Variants in MYOCOS observed in about 807,000 individuals in gnomAD.
The protein encoded by MYOCOS is myocilin opposite strand, also known as myocilin opposite strand protein.
Position 171,623,917 on chromosome 1 carries a change from A to G in MYOCOS, c.34A>G (p.Asn12Asp). The G allele has an allele frequency of 2.5e-6, 1 of 398,476 alleles. No individual in the cohort carries two copies. The highest frequency in any genetic ancestry group is 4.4e-6 in the Non-Finnish European group (1 of 226,038). The allele number at this position is 398,476 out of a possible 1,614,324, so 24.7% of individuals were successfully genotyped here. A position where few individuals can be genotyped will look rare whatever the true frequency, so the allele number is the denominator to read the frequency against. Residue 12 changes from asparagine (N) to aspartate (D), a missense_variant, in exon 2 of 3, where the codon AAT (asparagine) becomes GAT (aspartate). Physicochemically the swap from Asn to Asp is conservative, Grantham distance 23. Coordinates refer to ENST00000637642, the MANE Select transcript of MYOCOS (RefSeq NM_001391940.1). ...GAAAAGCCTTGCAAACAACAGCATTAATCTCCCCTACAAGGACTTGACCTC... is the reference window on the plus strand; with the variant it reads ...GAAAAGCCTTGCAAACAACAGCATTGATCTCCCCTACAAGGACTTGACCTC... ...AQKSLANNSI[N>D]LPYKDLTSEV...
intron 1 of MYOCOS, among the ~76,000 whole-genome samples, chr1:171,608,681 A>G (rs1246085038): frequency 6.6e-6 from 1 of 151,972 alleles, no homozygotes; most frequent in African/African-American, 2.4e-5. Flanking sequence ...TCGGCCTCCC[A>G]AAGGGCTGGG....
At chr1:171,610,020 G>C (rs1031274906) in intron 1 of MYOCOS, among the ~76,000 whole-genome samples, 2 of 152,204 alleles carry the variant, frequency 1.3e-5, no homozygotes, top group Non-Finnish European at 2.9e-5. Context: ...TCTCCACAGG[G>C]ATGCCTCACG....
At chr1:171,608,108 G>A (rs549534804) in intron 1 of MYOCOS, among the ~76,000 whole-genome samples, 8 of 152,248 alleles carry the variant, frequency 5.3e-5, no homozygotes, top group Admixed American at 3.3e-4. Flanking sequence ...ATCTCCCACC[G>A]GGTCCCTCCC....
upstream of MYOCOS, among the ~76,000 whole-genome samples, chr1:171,617,574 C>T (rs1192336615): frequency 2.6e-5 from 4 of 152,058 alleles, no homozygotes; most frequent in African/African-American, 9.7e-5. Flanking sequence ...AAACATACAA[C>T]CTTGATAGCC....
upstream of MYOCOS, among the ~76,000 whole-genome samples, chr1:171,618,447 G>T (rs954770236): frequency 1.3e-5 from 2 of 152,248 alleles, no homozygotes; most frequent in Non-Finnish European, 2.9e-5. Flanking sequence ...CTGTTGTGGG[G>T]ATGACAAGGT....
chr1:171,605,108 G>A (rs576073702), intron 1 of MYOCOS, among the ~76,000 whole-genome samples: 3 of 150,928 alleles, frequency 2.0e-5, no homozygotes, highest in Admixed American at 6.6e-5. Context: ...GCAATTAGCC[G>A]AGCATGTAGC....
Position 171,626,530 on chromosome 1 carries a change from C to G in MYOCOS, c.172C>G (p.Pro58Ala), listed in dbSNP as rs1052057361. 4 of 398,566 alleles carry G rather than the reference C, an allele frequency of 1.0e-5. No individual in the cohort carries two copies. The highest frequency in any genetic ancestry group is 3.6e-5 in the East Asian group (1 of 28,100). The allele number at this position is 398,566 out of a possible 1,614,324, so 24.7% of individuals were successfully genotyped here. A position where few individuals can be genotyped will look rare whatever the true frequency, so the allele number is the denominator to read the frequency against. ...SHLDLEQAPP[P>A]HRTYLTVPPA... ...CTTGGATTTGGAGCAAGCCCCTCCC[C>G]CTCACAGGACCTACCTCACAGTACC... The change falls in exon 3 of 3, where the codon CCT becomes GCT. Residue 58 changes from proline (P) to alanine (A), a missense_variant. Pro to Ala is a conservative substitution (Grantham distance 27). Transcript: ENST00000637642.
At chr1:171,617,751 G>A (rs777995300), upstream of MYOCOS, among the ~76,000 whole-genome samples, 7 of 152,188 alleles carry the variant, frequency 4.6e-5, no homozygotes, top group Non-Finnish European at 8.8e-5. Flanking sequence ...TTTAAGATGG[G>A]AGAAATAACA....
intron 2 of MYOCOS, 38 bp from the exon 3 acceptor site, chr1:171,626,416 C>T (rs957215200): frequency 7.5e-6 from 3 of 398,378 alleles, no homozygotes; most frequent in East Asian, 7.1e-5. Flanking sequence ...AAAACCCTAT[C>T]TTTATTCAAA....
intron 1 of MYOCOS, among the ~76,000 whole-genome samples, chr1:171,609,162 G>C (rs1476528157): frequency 2.0e-5 from 3 of 152,204 alleles, no homozygotes; most frequent in Admixed American, 6.5e-5. Flanking sequence ...CCTAATATCT[G>C]AGAGGGTCTA....
upstream of MYOCOS, among the ~76,000 whole-genome samples, chr1:171,621,004 G>A (rs573357866): frequency 2.4e-3 from 370 of 152,042 alleles, no homozygotes; most frequent in Non-Finnish European, 2.9e-3. Context: ...TCCTGACCTC[G>A]TGATCTGCCC....
At chr1:171,611,321 C>T (rs1652348174) in intron 1 of MYOCOS, among the ~76,000 whole-genome samples, 1 of 152,140 alleles carries the variant, frequency 6.6e-6, no homozygotes, top group Non-Finnish European at 1.5e-5. Flanking sequence ...GGGCTACCTG[C>T]TTGTTCCCTT....
chr1:171,626,619 G>A lies in MYOCOS; in HGVS notation c.*18G>A. 1 of 398,470 alleles carries A rather than the reference G, an allele frequency of 2.5e-6. No individual in the cohort carries two copies. The highest frequency in any genetic ancestry group is 4.4e-6 in the Non-Finnish European group (1 of 226,012). The allele number at this position is 398,470 out of a possible 1,614,324, so 24.7% of individuals were successfully genotyped here. The stretch of plus-strand genomic sequence containing the variant: ...TCTCCTAAGATGTAAAACTTATTTT[G>A]AAGTGAATTCTTACACAGAACTCCA... On this transcript the variant is annotated 3_prime_UTR_variant, in exon 3 of 3. Transcript: ENST00000637642.
rs531678547 is a variant in MYOCOS at position 171,608,913 on chromosome 1, T to C, written c.-251-5885T>C. Among the ~76,000 whole-genome samples the C allele has an allele frequency of 7.2e-5, 11 of 152,280 alleles. No individual in the cohort carries two copies. In the East Asian group the frequency reaches 1.9e-3, roughly 27 times the overall value. On this transcript the variant is annotated intron_variant, in intron 1 of 3. Coordinates refer to the MYOCOS transcript ENST00000636697. ...CCCTGAGTCCAGAAGAGGATCTAGG[T>C]GGTGCACATAGCCTCCACTATAGTT...
intron 1 of MYOCOS, among the ~76,000 whole-genome samples, chr1:171,622,795 G>A (rs1302846060): frequency 6.6e-6 from 1 of 152,156 alleles, no homozygotes; most frequent in Non-Finnish European, 1.5e-5. Context: ...TATAGTCTTT[G>A]AAGTCAAACA....
intron 1 of MYOCOS, among the ~76,000 whole-genome samples, chr1:171,601,501 G>A (rs917855615): frequency 3.8e-4 from 58 of 151,914 alleles, no homozygotes; most frequent in African/African-American, 1.4e-3. Context: ...AAAAAAATAG[G>A]TCAGGTGCAA....
upstream of MYOCOS, among the ~76,000 whole-genome samples, chr1:171,618,668 T>C (rs1054784657): frequency 1.3e-5 from 2 of 152,144 alleles, no homozygotes; most frequent in African/African-American, 4.8e-5. Flanking sequence ...CTCCGCCTCC[T>C]GGGTTCAAGC....
chr1:171,610,782 C>T (rs1652338962), intron 1 of MYOCOS, among the ~76,000 whole-genome samples: 1 of 152,214 alleles, frequency 6.6e-6, no homozygotes, highest in South Asian at 2.1e-4. Flanking sequence ...TGCCAAATCA[C>T]CTTTGATGTA....
chr1:171,605,173 T>A (rs1652220116), intron 1 of MYOCOS, among the ~76,000 whole-genome samples: 1 of 151,792 alleles, frequency 6.6e-6, no homozygotes, highest in Admixed American at 6.6e-5. Context: ...TAGTAAGAGA[T>A]CAATGGCATA....
Sources: allele counts gnomAD v4.1 joint callset (sites outside exome capture counted in the v4.1 genomes callset), GRCh38; gene constraint gnomAD v4.1.1; transcripts MANE v1.5; gene names NCBI Gene and HGNC (gene_info 2026-07-23, HGNC 2026-07-21).